HHAT: variants seen among roughly 807,000 people sequenced by gnomAD.
HHAT encodes the protein hedgehog acyltransferase.
A neutral mutation model predicts 70.8 loss-of-function variants in HHAT; 47 were observed. That is an observed-to-expected ratio of 0.66 (90% CI 0.53 to 0.85). The LOEUF (loss-of-function observed/expected upper bound fraction) is 0.85, where lower values mean the gene tolerates loss of function less well. Among genes scored for constraint, HHAT ranks in the 40% least tolerant of loss-of-function variants. HHAT has a pLI of 0.00. For missense variants in HHAT, 609 were observed against 604.8 expected (o/e 1.01, Z -0.07); for synonymous variants, 228 against 247.6 (o/e 0.92, Z 0.74).
chr1:210,463,230 G>A (rs1367758872), intron 7 of HHAT, among the ~76,000 whole-genome samples: 2 of 150,438 alleles, frequency 1.3e-5, no homozygotes, highest in African/African-American at 2.5e-5. Flanking sequence ...GTGACTTTTA[G>A]TATATCTACA....
At chr1:210,333,037 C>T (rs1571641469) in intron 1 of HHAT, among the ~76,000 whole-genome samples, 2 of 152,102 alleles carry the variant, frequency 1.3e-5, no homozygotes, top group Admixed American at 6.6e-5. Context: ...AAATAATGGG[C>T]GGGCCATGAG....
At chr1:210,331,831 AG>A (rs2085015518) in intron 1 of HHAT, among the ~76,000 whole-genome samples, 1 of 94,624 alleles carries the variant, frequency 1.1e-5, no homozygotes. Context: ...TTCATTGAGG[AG>A]GTAAGCAAGT....
At chr1:210,407,727 A>T (rs1374438846) in intron 6 of HHAT, among the ~76,000 whole-genome samples, 1 of 152,200 alleles carries the variant, frequency 6.6e-6, no homozygotes, top group Non-Finnish European at 1.5e-5. Context: ...TGGAACTCGG[A>T]TACCAAGTCA....
At chr1:210,511,592 C>T (rs1199137048) in intron 8 of HHAT, among the ~76,000 whole-genome samples, 1 of 151,932 alleles carries the variant, frequency 6.6e-6, no homozygotes, top group Non-Finnish European at 1.5e-5. Context: ...TCAGACCCCC[C>T]CTCGAGGGTG....
chr1:210,331,299 C>G (rs1312120377), intron 1 of HHAT, among the ~76,000 whole-genome samples: 1 of 151,932 alleles, frequency 6.6e-6, no homozygotes, highest in Non-Finnish European at 1.5e-5. Flanking sequence ...TTGCTTATGT[C>G]CAGCCTACTT....
At chr1:210,510,740 A>G (rs1442646166) in intron 8 of HHAT, among the ~76,000 whole-genome samples, 4 of 152,352 alleles carry the variant, frequency 2.6e-5, no homozygotes, top group Non-Finnish European at 4.4e-5. Flanking sequence ...CCTCACCAGC[A>G]TGTATATGTG....
intron 1 of HHAT, among the ~76,000 whole-genome samples, chr1:210,347,935 A>G (rs1161193700): frequency 1.3e-5 from 2 of 152,218 alleles, no homozygotes; most frequent in East Asian, 1.9e-4. Flanking sequence ...GTCCACACTT[A>G]GCTACAGTGT....
chr1:210,427,258 T>A lies in HHAT; in HGVS notation c.856+8933T>A, dbSNP rs866639073. On this transcript the variant is annotated intron_variant, in intron 7 of 11. Coordinates refer to ENST00000261458, the MANE Select transcript of HHAT (RefSeq NM_018194.6). The stretch of plus-strand genomic sequence containing the variant: ...GTGGTCTATTTTATTAATTTTTTTT[T>A]AAACCAATTCCTGGATTCACTGACA... Among the ~76,000 whole-genome samples the A allele has an allele frequency of 1.1e-4, 16 of 152,054 alleles. 1 individual carries two copies. Among genetic ancestry groups the A allele is most frequent in the South Asian group, 6.2e-4 (3 of 4,812 alleles).
intron 7 of HHAT, among the ~76,000 whole-genome samples, chr1:210,461,646 C>G (rs1162770719): frequency 2.0e-5 from 3 of 152,144 alleles, no homozygotes; most frequent in Non-Finnish European, 4.4e-5. Context: ...AACAGCAAGA[C>G]AGCAGAGTAG....
chr1:210,475,547 G>C (rs546721224), intron 8 of HHAT, among the ~76,000 whole-genome samples: 1 of 152,276 alleles, frequency 6.6e-6, no homozygotes, highest in East Asian at 1.9e-4. Context: ...GGATGCCATG[G>C]GGTGACCTGA....
rs34382294 is a variant in HHAT, at chr1:210,477,336, TC to T, written c.1007+12685del. ...AATTAGTTTTCCTGTATATGACTTCTCCCCTTCTCTGCCTTCTTCCCACTGT... is the reference window on the plus strand; with the variant it reads ...AATTAGTTTTCCTGTATATGACTTCTCCCTTCTCTGCCTTCTTCCCACTGT... On this transcript the variant is annotated intron_variant, in intron 8 of 11. Transcript: ENST00000261458. 9.8e-5 allele frequency among the ~76,000 whole-genome samples: 15 copies of T among 152,356 alleles called. No individual in the cohort carries two copies. The East Asian group carries it at 2.7e-3, about 27-fold the overall frequency.
chr1:210,555,740 C>T (rs989899609), intron 9 of HHAT, among the ~76,000 whole-genome samples: 12 of 152,122 alleles, frequency 7.9e-5, no homozygotes, highest in Admixed American at 2.0e-4. Context: ...GACAGACATC[C>T]GGGACAGAAA....
At chr1:210,620,170 CCTGT>C (rs1668552657) in intron 10 of HHAT, among the ~76,000 whole-genome samples, 1 of 152,158 alleles carries the variant, frequency 6.6e-6, no homozygotes, top group Non-Finnish European at 1.5e-5. Context: ...AGGCTTTGGC[CCTGT>C]GGCCCTAGAG....
chr1:210,616,757 A>C (rs963439466), intron 10 of HHAT, among the ~76,000 whole-genome samples: 9 of 152,246 alleles, frequency 5.9e-5, no homozygotes, highest in Admixed American at 5.2e-4. Context: ...CTTGCACTGC[A>C]CTTATCGGTA....
intron 7 of HHAT, among the ~76,000 whole-genome samples, chr1:210,449,473 G>T (rs1481625999): frequency 1.3e-5 from 2 of 152,130 alleles, no homozygotes; most frequent in African/African-American, 4.8e-5. Flanking sequence ...CCCCAGCTGC[G>T]CTGGGATGGT....
chr1:210,355,721 C>T (rs2087540912), intron 2 of HHAT, among the ~76,000 whole-genome samples: 1 of 152,180 alleles, frequency 6.6e-6, no homozygotes, highest in East Asian at 1.9e-4. Context: ...GAGAGGATTC[C>T]ATTTTAAAAA....
Position 210,404,484 on chromosome 1 carries a change from A to C in HHAT, c.489A>C (p.Glu163Asp). ...EEVKRRWYKT[E>D]NEYYLLQFTL... ...TGTAGAGAAGGTGGTACAAGACAGA[A>C]AACGAGTACTACCTGCTGCAGTTCA... The change falls in exon 6 of 12, where the codon GAA (glutamate) becomes GAC (aspartate). Residue 163 changes from glutamate to aspartate, a missense_variant. Coordinates refer to ENST00000261458, the MANE Select transcript of HHAT (RefSeq NM_018194.6). 1 of 1,612,354 alleles carries C rather than the reference A, an allele frequency of 6.2e-7. No individual in the cohort carries two copies. The highest frequency in any genetic ancestry group is 8.5e-7 in the Non-Finnish European group (1 of 1,179,712).
rs1195290226 is a variant in HHAT, at chr1:210,367,713, G to A, written c.159+4794G>A. On this transcript the variant is annotated intron_variant, in intron 3 of 11. Coordinates refer to ENST00000261458, the MANE Select transcript of HHAT (RefSeq NM_018194.6). Reference sequence around the variant, plus strand: ...TGATGTTCAGGTTTGGAGGATTACAGCCCCAATCAAGAATGCTTTTGATCT... The same window carrying A: ...TGATGTTCAGGTTTGGAGGATTACAACCCCAATCAAGAATGCTTTTGATCT... Among the ~76,000 whole-genome samples the A allele has an allele frequency of 7.2e-5, 11 of 152,302 alleles. No individual in the cohort carries two copies. The East Asian group carries it at 1.9e-3, about 27-fold the overall frequency.
intron 9 of HHAT, among the ~76,000 whole-genome samples, chr1:210,542,104 T>C (rs1241990230): frequency 6.6e-6 from 1 of 152,208 alleles, no homozygotes; most frequent in Non-Finnish European, 1.5e-5. Flanking sequence ...ACCCTGCTTT[T>C]TGAATGACAA....
Sources: allele counts gnomAD v4.1 joint callset (sites outside exome capture counted in the v4.1 genomes callset), GRCh38; gene constraint gnomAD v4.1.1; transcripts MANE v1.5; gene names NCBI Gene and HGNC (gene_info 2026-07-23, HGNC 2026-07-21).